Variants in TBX15 observed in about 807,000 individuals in gnomAD.
The protein encoded by TBX15 is T-box transcription factor TBX15.
Under a neutral mutation model 53.9 loss-of-function variants are expected in TBX15, and 18 were observed. The observed-to-expected ratio is 0.33, with a 90% confidence interval of 0.23 to 0.49. The LOEUF (loss-of-function observed/expected upper bound fraction) is 0.49, where lower values mean the gene tolerates loss of function less well. TBX15 is among the 20% of genes least tolerant of loss of function. TBX15 has a pLI of 0.98. For missense variants in TBX15, 692 were observed against 749.5 expected (o/e 0.92, Z 0.90); for synonymous variants, 295 against 278.0 (o/e 1.06, Z -0.61).
chr1:118,983,356 C>A (rs1425992102), intron 1 of TBX15, among the ~76,000 whole-genome samples: 1 of 152,192 alleles, frequency 6.6e-6, no homozygotes, highest in East Asian at 1.9e-4. Context: ...CTACTGGTTT[C>A]TATTGTGCCA....
intron 6 of TBX15, among the ~76,000 whole-genome samples, chr1:118,911,676 T>A (rs1045095941): frequency 6.6e-6 from 1 of 152,212 alleles, no homozygotes; most frequent in Non-Finnish European, 1.5e-5. Context: ...ACTTTTCTGT[T>A]CTAAATCATG....
At position 118,932,112 on chromosome 1, in the gene TBX15, G is replaced by A. The variant is rs570362450; in HGVS notation, c.206-280C>T. 8.7e-4 allele frequency among the ~76,000 whole-genome samples: 133 copies of A among 152,278 alleles called. 1 individual carries two copies. Among genetic ancestry groups the A allele is most frequent in the Admixed American group, 2.2e-3 (34 of 15,304 alleles). ...AGCTGAAGAAAATTGGTCCACAACAGGCAATATAAATAGTACTAATGTCAC... is the reference window on the plus strand; with the variant it reads ...AGCTGAAGAAAATTGGTCCACAACAAGCAATATAAATAGTACTAATGTCAC... On this transcript the variant is annotated intron_variant, in intron 1 of 7. Coordinates refer to ENST00000369429, the MANE Select transcript of TBX15 (RefSeq NM_001330677.2).
chr1:118,923,759 A>T (rs944163192), intron 4 of TBX15, among the ~76,000 whole-genome samples, 156 bp from the exon 5 acceptor site: 1 of 152,252 alleles, frequency 6.6e-6, no homozygotes, highest in Non-Finnish European at 1.5e-5. Context: ...TTGCCCAGGA[A>T]GAACTAAGTG....
At chr1:118,891,399 T>G (rs1654135993) in intron 7 of TBX15, among the ~76,000 whole-genome samples, 1 of 152,236 alleles carries the variant, frequency 6.6e-6, no homozygotes, top group African/African-American at 2.4e-5. Context: ...CTACTTGTTT[T>G]ACTGCCTTCC....
At chr1:118,944,475 C>G (rs1442751369) in intron 1 of TBX15, among the ~76,000 whole-genome samples, 9 of 152,190 alleles carry the variant, frequency 5.9e-5, no homozygotes, top group Admixed American at 1.3e-4. Flanking sequence ...TTTCCCCAGG[C>G]CTACCTACCT....
At chr1:118,923,670 A>C in intron 4 of TBX15, 67 bp from the exon 5 acceptor site, 1 of 1,583,826 alleles carries the variant, frequency 6.3e-7, no homozygotes, top group Non-Finnish European at 8.7e-7. Flanking sequence ...CTCATGCAAA[A>C]ATAAATCACT....
chr1:118,953,936 A>T (rs1656600193), intron 1 of TBX15, among the ~76,000 whole-genome samples: 1 of 152,132 alleles, frequency 6.6e-6, no homozygotes, highest in African/African-American at 2.4e-5. Context: ...TCCTTTGCCT[A>T]CCCTTCTAAG....
intron 6 of TBX15, among the ~76,000 whole-genome samples, chr1:118,901,175 A>C (rs558457728): frequency 6.6e-6 from 1 of 152,178 alleles, no homozygotes; most frequent in Non-Finnish European, 1.5e-5. Flanking sequence ...TATAAACAAT[A>C]AAGTTTATTT....
chr1:118,895,417 A>C (rs1242213811), intron 7 of TBX15, among the ~76,000 whole-genome samples: 2 of 152,182 alleles, frequency 1.3e-5, no homozygotes, highest in Non-Finnish European at 2.9e-5. Context: ...GGTTTTGGCC[A>C]CTCAAATAGC....
intron 5 of TBX15, among the ~76,000 whole-genome samples, chr1:118,915,799 A>G (rs533490301): frequency 6.6e-6 from 1 of 152,318 alleles, no homozygotes; most frequent in East Asian, 1.9e-4. Context: ...GATTTCTGAC[A>G]CATGACTGTG....
rs555533248 is a variant in TBX15, at chr1:118,902,450, A to G, written c.927-3325T>C. On this transcript the variant is annotated intron_variant, in intron 6 of 7. Transcript: ENST00000369429. ...TGGTTACAGGATAAGATCTCAAATG[A>G]TATGCATTGAATTAATAAGTAGAAG... 2.6e-5 allele frequency among the ~76,000 whole-genome samples: 4 copies of G among 152,160 alleles called. No individual in the cohort carries two copies. In the East Asian group the frequency reaches 7.7e-4, roughly 29 times the overall value.
chr1:118,976,978 T>C (rs1049253649), intron 1 of TBX15, among the ~76,000 whole-genome samples: 3 of 152,220 alleles, frequency 2.0e-5, no homozygotes, highest in African/African-American at 7.2e-5. Context: ...ATAATAGGCT[T>C]TGTGCTAAAT....
At chr1:118,920,904 A>G (rs1277365842) in intron 5 of TBX15, among the ~76,000 whole-genome samples, 1 of 152,150 alleles carries the variant, frequency 6.6e-6, no homozygotes, top group Admixed American at 6.5e-5. Flanking sequence ...CAGGAGGTTT[A>G]ACAATGCTAC....
chr1:118,908,377 CA>C (rs66887595), intron 6 of TBX15, among the ~76,000 whole-genome samples: 48,905 of 132,126 alleles, frequency 0.37, 8,693 homozygotes, highest in East Asian at 0.71. Context: ...AGCACAAGAC[CA>C]AAAAAAAAAA....
rs142884883 is a variant in TBX15, at chr1:118,973,062, C to T, written c.205+14529G>A. Among the ~76,000 whole-genome samples, 51 of 152,226 alleles carry T rather than the reference C, an allele frequency of 3.4e-4. No homozygotes were observed. In the East Asian group the frequency reaches 6.0e-3, roughly 18 times the overall value. ...ATGGAAAAGGGTAATTTGATATAAACGTTAATTGACATGATGTATGTACCA... is the reference window on the plus strand; with the variant it reads ...ATGGAAAAGGGTAATTTGATATAAATGTTAATTGACATGATGTATGTACCA... On this transcript the variant is annotated intron_variant, in intron 1 of 7. Coordinates refer to ENST00000369429, the MANE Select transcript of TBX15 (RefSeq NM_001330677.2).
At chr1:118,960,553 A>G (rs970398419) in intron 1 of TBX15, among the ~76,000 whole-genome samples, 1 of 152,228 alleles carries the variant, frequency 6.6e-6, no homozygotes, top group Non-Finnish European at 1.5e-5. Flanking sequence ...ACCAAAGTTT[A>G]TACAACACAA....
intron 7 of TBX15, among the ~76,000 whole-genome samples, chr1:118,893,415 A>T (rs528683946): frequency 1.3e-4 from 18 of 141,640 alleles, no homozygotes; most frequent in African/African-American, 4.5e-4. Flanking sequence ...GAAAGGAAGA[A>T]GGAAAGAAAG....
intron 1 of TBX15, among the ~76,000 whole-genome samples, chr1:118,980,633 T>G (rs1182664101): frequency 6.6e-6 from 1 of 150,748 alleles, no homozygotes; most frequent in African/African-American, 2.5e-5. Context: ...TTATTAAGAT[T>G]TATCTTAGTT....
At chr1:118,923,683 G>T in intron 4 of TBX15, 80 bp from the exon 5 acceptor site, 1 of 1,535,900 alleles carries the variant, frequency 6.5e-7, no homozygotes, top group Non-Finnish European at 9.0e-7. Context: ...AAATCACTAA[G>T]TTGAAGCACT....
Sources: gnomAD v4.1 joint callset for allele counts (sites outside exome capture counted in the v4.1 genomes callset) on GRCh38, gnomAD v4.1.1 for gene constraint, MANE v1.5 for transcripts, NCBI Gene and HGNC (gene_info 2026-07-23, HGNC 2026-07-21) for gene names.